Variants in SUSD4 observed in about 807,000 individuals in gnomAD.
SUSD4 encodes the protein sushi domain-containing protein 4.
In SUSD4, 41 loss-of-function variants were observed where a neutral mutation model predicts 50.5. The observed-to-expected ratio is 0.81, with a 90% CI of 0.63 to 1.05. SUSD4 has a LOEUF of 1.05. Among genes scored for constraint, SUSD4 ranks in the 50% least tolerant of loss-of-function variants. The pLI is 0.00. For synonymous variants in SUSD4, 257 were observed against 257.3 expected, an observed-to-expected ratio of 1.00 and a Z score of 0.01; for missense variants, 580 against 634.7, an observed-to-expected ratio of 0.91 and a Z score of 0.93.
chr1:223,353,678 A>T (rs1314466241), intron 2 of SUSD4, among the ~76,000 whole-genome samples: 1 of 152,198 alleles, frequency 6.6e-6, no homozygotes, highest in Non-Finnish European at 1.5e-5. Flanking sequence ...AAATTTGTGC[A>T]GGGAGAATCT....
At chr1:223,357,224 T>G (rs1447105496) in intron 2 of SUSD4, among the ~76,000 whole-genome samples, 1 of 152,214 alleles carries the variant, frequency 6.6e-6, no homozygotes, top group Non-Finnish European at 1.5e-5. Flanking sequence ...CACTTTGTCT[T>G]GGGTTGTGGG....
At chr1:223,287,554 C>G (rs1366458145) in intron 3 of SUSD4, among the ~76,000 whole-genome samples, 2 of 152,130 alleles carry the variant, frequency 1.3e-5, no homozygotes, top group African/African-American at 4.8e-5. Context: ...GTGGAGGCCC[C>G]GTAAGTTCTC....
intron 5 of SUSD4, chr1:223,263,507 TGGG>T: frequency 7.2e-6 from 7 of 975,636 alleles, no homozygotes; most frequent in Non-Finnish European, 8.5e-6. Flanking sequence ...TCCAATTCCC[TGGG>T]GGATTTGCGA....
intron 2 of SUSD4, among the ~76,000 whole-genome samples, chr1:223,306,222 A>G (rs1358500581): frequency 2.0e-5 from 3 of 152,188 alleles, no homozygotes; most frequent in African/African-American, 4.8e-5. Context: ...ACTGATAACA[A>G]TGCTAACTCA....
intron 2 of SUSD4, among the ~76,000 whole-genome samples, chr1:223,338,812 G>A (rs1464102425): frequency 6.6e-6 from 1 of 152,224 alleles, no homozygotes; most frequent in African/African-American, 2.4e-5. Flanking sequence ...CAATCTGAGG[G>A]AAGAATATAA....
chr1:223,264,409 C>A (rs1662333503), intron 5 of SUSD4: 2 of 1,258,130 alleles, frequency 1.6e-6, no homozygotes, highest in African/African-American at 1.5e-5. Flanking sequence ...TTTCTTTTAT[C>A]TGCTCTCCTC....
chr1:223,239,099 T>C (rs1660406236), intron 5 of SUSD4, among the ~76,000 whole-genome samples: 1 of 152,096 alleles, frequency 6.6e-6, no homozygotes, highest in South Asian at 2.1e-4. Flanking sequence ...TTATCATTGA[T>C]AACTTTCCTT....
In SUSD4 at chr1:223,229,130, C is replaced by T. The variant is rs1467018826; in HGVS notation, c.916+67G>A. ...AGAGATACAGCTTGGTACATAACCACCACCCACTATGTGCAGATGGTCCAA... is the reference window on the plus strand; with the variant it reads ...AGAGATACAGCTTGGTACATAACCATCACCCACTATGTGCAGATGGTCCAA... On this transcript the variant is annotated intron_variant, in intron 6 of 8. Transcript: ENST00000366878. This position sits in a 1 kb window ranked among gnomAD's most constrained non-coding sequence, Gnocchi z 4.7. 25 of 1,478,562 alleles carry T rather than the reference C, an allele frequency of 1.7e-5. No individual in the cohort carries two copies. The highest frequency in any genetic ancestry group is 2.1e-5 in the Non-Finnish European group (23 of 1,084,620). The allele number at this position is 1,478,562 out of a possible 1,614,324, so 91.6% of individuals were successfully genotyped here.
intron 3 of SUSD4, among the ~76,000 whole-genome samples, chr1:223,286,261 G>T (rs1204326321): frequency 6.6e-6 from 1 of 152,138 alleles, no homozygotes; most frequent in Admixed American, 6.5e-5. Flanking sequence ...GACTACAGAC[G>T]CCTGCCACCA....
intron 2 of SUSD4, among the ~76,000 whole-genome samples, chr1:223,307,469 A>C (rs574748452): frequency 6.6e-6 from 1 of 152,342 alleles, no homozygotes; most frequent in South Asian, 2.1e-4. Context: ...TCCAACTGTT[A>C]ATAGTAACAA....
At chr1:223,280,221 A>G (rs1663604669) in intron 3 of SUSD4, among the ~76,000 whole-genome samples, 1 of 152,200 alleles carries the variant, frequency 6.6e-6, no homozygotes, top group Admixed American at 6.5e-5. Context: ...GACAGGATCA[A>G]ATTCACACAT....
chr1:223,247,931 A>G (rs564900286), intron 5 of SUSD4, among the ~76,000 whole-genome samples: 2 of 152,290 alleles, frequency 1.3e-5, no homozygotes, highest in East Asian at 3.9e-4. Context: ...TTAAATTGTC[A>G]TGGTATCTGG....
At chr1:223,312,297 A>G (rs576640993) in intron 2 of SUSD4, among the ~76,000 whole-genome samples, 2 of 152,306 alleles carry the variant, frequency 1.3e-5, no homozygotes, top group South Asian at 4.1e-4. Flanking sequence ...TTGTCTCATT[A>G]GTGGGCAAAT....
intron 2 of SUSD4, among the ~76,000 whole-genome samples, chr1:223,312,213 G>C (rs1033013983): frequency 6.6e-6 from 1 of 152,208 alleles, no homozygotes; most frequent in Non-Finnish European, 1.5e-5. Flanking sequence ...ATGCAAATGA[G>C]AGTGTCATCA....
chr1:223,258,712 C>T (rs1661877730), intron 5 of SUSD4, among the ~76,000 whole-genome samples: 1 of 152,174 alleles, frequency 6.6e-6, no homozygotes, highest in African/African-American at 2.4e-5. Flanking sequence ...CAAATGAAAC[C>T]TTAGGTACCT....
intron 2 of SUSD4, among the ~76,000 whole-genome samples, chr1:223,354,930 C>A (rs1219236248): frequency 6.6e-6 from 1 of 152,126 alleles, no homozygotes; most frequent in African/African-American, 2.4e-5. Flanking sequence ...ATCAAAGAAT[C>A]CACCATAAGA....
At chr1:223,363,840 A>C (rs1190058877) in intron 1 of SUSD4, 1 of 161,506 alleles carries the variant, frequency 6.2e-6, no homozygotes, top group Non-Finnish European at 1.3e-5. Context: ...CACTCTGGGA[A>C]TCTCACAATG....
chr1:223,363,205 C>T (rs1002735634), intron 2 of SUSD4, 73 bp downstream of exon 2: 2 of 1,415,078 alleles, frequency 1.4e-6, no homozygotes, highest in Non-Finnish European at 9.3e-7. Context: ...GGGTGCAGGG[C>T]TGTCCTGGCA....
At chr1:223,281,230 C>T (rs1007176387) in intron 3 of SUSD4, among the ~76,000 whole-genome samples, 5 of 152,024 alleles carry the variant, frequency 3.3e-5, no homozygotes, top group African/African-American at 1.2e-4. Context: ...CAAGAAATAA[C>T]TAAGATCAGA....
Sources: gnomAD v4.1 joint callset for allele counts (sites outside exome capture counted in the v4.1 genomes callset) on GRCh38, gnomAD v4.1.1 for gene constraint, Gnocchi (gnomAD v3.1) non-coding constraint, MANE v1.5 for transcripts, NCBI Gene and HGNC (gene_info 2026-07-23, HGNC 2026-07-21) for gene names.